Variants in LIMCH1 observed in about 807,000 individuals in gnomAD.
LIMCH1 encodes LIM and calponin homology domains-containing protein 1.
Under a neutral mutation model 176.5 loss-of-function variants are expected in LIMCH1, and 113 were observed. The ratio of observed to expected loss-of-function variants is 0.64; its 90% CI spans 0.55 to 0.75. The LOEUF (loss-of-function observed/expected upper bound fraction) is 0.75. Ranked by LOEUF, LIMCH1 falls within the 30% of genes least tolerant of loss-of-function variation. The pLI is 0.00. For missense variants in LIMCH1, 1,674 were observed against 1,814.9 expected (o/e 0.92, Z 1.41); for synonymous variants, 619 against 645.9 (o/e 0.96, Z 0.63).
intron 4 of LIMCH1, 131 bp downstream of exon 4, chr4:41,606,135 A>G (rs926976548): frequency 3.4e-6 from 2 of 595,922 alleles, no homozygotes; most frequent in African/African-American, 1.9e-5. Context: ...ACTCAAGGAA[A>G]CGATCACTTG....
intron 1 of LIMCH1, among the ~76,000 whole-genome samples, chr4:41,556,121 G>GA (rs2081225930): frequency 6.6e-6 from 1 of 151,840 alleles, no homozygotes; most frequent in Non-Finnish European, 1.5e-5. Flanking sequence ...AAAATGATCT[G>GA]AAAAAAGAAG....
At chr4:41,373,124 G>A (rs1298602987) in intron 1 of LIMCH1, among the ~76,000 whole-genome samples, 1 of 152,224 alleles carries the variant, frequency 6.6e-6, no homozygotes, top group Non-Finnish European at 1.5e-5. Flanking sequence ...GAGCAAGTTG[G>A]TCTGGAACAC....
At chr4:41,521,438 G>T (rs1449989742) in intron 2 of LIMCH1, among the ~76,000 whole-genome samples, 1 of 152,108 alleles carries the variant, frequency 6.6e-6, no homozygotes, top group Non-Finnish European at 1.5e-5. Context: ...TTCAAAGCAT[G>T]TCATCAATAA....
At chr4:41,385,907 G>A (rs1205158662) in intron 1 of LIMCH1, 2 of 152,218 alleles carry the variant, frequency 1.3e-5, no homozygotes, top group Non-Finnish European at 2.9e-5. Flanking sequence ...AAGTGTCAAG[G>A]CTAAGGATGA....
chr4:41,520,050 T>C (rs2075968540), intron 2 of LIMCH1, among the ~76,000 whole-genome samples: 1 of 152,262 alleles, frequency 6.6e-6, no homozygotes, highest in Non-Finnish European at 1.5e-5. Context: ...ATTTTCTATA[T>C]GCATGTAGTT....
chr4:41,694,644 A>C (rs1729035409), intron 31 of LIMCH1, among the ~76,000 whole-genome samples: 1 of 152,172 alleles, frequency 6.6e-6, no homozygotes, highest in African/African-American at 2.4e-5. Flanking sequence ...ATTTAAAACT[A>C]ATTCTCTATG....
chr4:41,377,422 G>A (rs2054929826), intron 1 of LIMCH1, among the ~76,000 whole-genome samples: 1 of 152,182 alleles, frequency 6.6e-6, no homozygotes, highest in Non-Finnish European at 1.5e-5. Context: ...AGTCAGTGGG[G>A]CAGGAAAGGG....
At chr4:41,663,852 T>TAA (rs34659309) in intron 20 of LIMCH1, among the ~76,000 whole-genome samples, 13 of 82,758 alleles carry the variant, frequency 1.6e-4, no homozygotes, top group South Asian at 4.7e-4. Flanking sequence ...TCTTCATCTC[T>TAA]AAAAAAAAAA....
chr4:41,685,197 C>T (rs940282427), intron 27 of LIMCH1, among the ~76,000 whole-genome samples: 1 of 152,096 alleles, frequency 6.6e-6, no homozygotes, highest in Admixed American at 6.6e-5. Context: ...CGAATTTTGC[C>T]TTAAATTTTT....
At chr4:41,639,610 A>T (rs2093736715) in intron 14 of LIMCH1, among the ~76,000 whole-genome samples, 1 of 152,282 alleles carries the variant, frequency 6.6e-6, no homozygotes, top group South Asian at 2.1e-4. Context: ...TCCACATCCA[A>T]ATTTGAGAAG....
intron 1 of LIMCH1, among the ~76,000 whole-genome samples, chr4:41,490,756 C>T (rs1412875366): frequency 6.6e-6 from 1 of 152,230 alleles, no homozygotes; most frequent in Admixed American, 6.5e-5. Flanking sequence ...ACAAAACCGC[C>T]ATCGTTATCA....
rs2063063521 is a variant in LIMCH1, at chr4:41,444,435, AG to A, written c.97-50099del. Among the ~76,000 whole-genome samples the A allele has an allele frequency of 2.0e-5, 3 of 152,088 alleles. No homozygotes were observed. The South Asian group carries it at 6.2e-4, about 32-fold the overall frequency. ...ACTGAAATACAATTACAGAATATTGAGGAAAATCTATATTAATATATGAGTT... is the reference window on the plus strand; with the variant it reads ...ACTGAAATACAATTACAGAATATTGAGAAAATCTATATTAATATATGAGTT... On this transcript the variant is annotated intron_variant, in intron 1 of 26. Coordinates refer to the LIMCH1 transcript ENST00000313860.
chr4:41,671,402 AC>A, intron 21 of LIMCH1, 151 bp from the exon 22 acceptor site: 3 of 372,198 alleles, frequency 8.1e-6, no homozygotes, highest in Non-Finnish European at 8.9e-6. Flanking sequence ...TACCAAACAC[AC>A]ACACACACAC....
At chr4:41,490,257 T>TTTTC (rs1366381739) in intron 1 of LIMCH1, among the ~76,000 whole-genome samples, 2 of 151,974 alleles carry the variant, frequency 1.3e-5, no homozygotes, top group Non-Finnish European at 2.9e-5. Context: ...TGCTATTTTT[T>TTTTC]TTTCTTTCTT....
intron 1 of LIMCH1, among the ~76,000 whole-genome samples, chr4:41,373,182 C>T (rs1229032309): frequency 1.3e-5 from 2 of 152,182 alleles, no homozygotes; most frequent in African/African-American, 4.8e-5. Context: ...GGGACAGCCT[C>T]TCTGAGGAAG....
At chr4:41,634,718 C>T (rs2093491035) in intron 13 of LIMCH1, among the ~76,000 whole-genome samples, 1 of 152,152 alleles carries the variant, frequency 6.6e-6, no homozygotes, top group Non-Finnish European at 1.5e-5. Context: ...GTGTCTGCTC[C>T]CTCAAGCTCA....
intron 1 of LIMCH1, among the ~76,000 whole-genome samples, chr4:41,464,379 T>G (rs1426071297): frequency 1.3e-5 from 2 of 150,314 alleles, no homozygotes; most frequent in African/African-American, 4.9e-5. Context: ...TCTTTTTTTT[T>G]TTTTTCTGAG....
intron 1 of LIMCH1, among the ~76,000 whole-genome samples, chr4:41,447,638 A>T (rs1388473792): frequency 6.6e-6 from 1 of 152,232 alleles, no homozygotes; most frequent in East Asian, 1.9e-4. Flanking sequence ...GAGTAGATTA[A>T]TTCTGGATCC....
At chr4:41,648,062 T>C (rs2094137753) in intron 17 of LIMCH1, among the ~76,000 whole-genome samples, 1 of 152,166 alleles carries the variant, frequency 6.6e-6, no homozygotes, top group Non-Finnish European at 1.5e-5. Context: ...CACACACAGA[T>C]AGACACACAC....
Sources: gnomAD v4.1 joint callset for allele counts (sites outside exome capture counted in the v4.1 genomes callset) on GRCh38, gnomAD v4.1.1 for gene constraint, MANE v1.5 for transcripts, NCBI Gene and HGNC (gene_info 2026-07-23, HGNC 2026-07-21) for gene names.